The following CDH26 variants were observed in gnomAD, a reference collection of about 807,000 sequenced individuals.
The protein encoded by CDH26 is cadherin-like protein 26.
In CDH26, 83 loss-of-function variants were observed where a neutral mutation model predicts 90.3. That is an observed-to-expected ratio of 0.92 (90% confidence interval 0.77 to 1.10). The LOEUF (loss-of-function observed/expected upper bound fraction) is 1.10. Among genes scored for constraint, CDH26 ranks in the 50% least tolerant of loss-of-function variants. CDH26 has a pLI of 0.00. For missense variants in CDH26, 1,013 were observed against 1,037.6 expected (o/e 0.98, Z 0.33); for synonymous variants, 397 against 396.3 (o/e 1.00, Z -0.02).
intron 1 of CDH26, among the ~76,000 whole-genome samples, chr20:59,963,538 G>A (rs1011641694): frequency 2.0e-5 from 3 of 152,028 alleles, no homozygotes; most frequent in Non-Finnish European, 2.9e-5. Context: ...ATCTGCATTG[G>A]CCTCTAGTCA....
intron 4 of CDH26, 43 bp downstream of exon 4, chr20:59,972,166 C>T: frequency 6.4e-7 from 1 of 1,570,290 alleles, no homozygotes; most frequent in Non-Finnish European, 8.7e-7. Flanking sequence ...TTTAAAAGCT[C>T]TTGCAAGACT....
At position 59,970,273 on chromosome 20, in the gene CDH26, T is replaced by G. The variant is rs1210055923; in HGVS notation, c.231+87T>G. ...GCCAGGAAGATTAAGTCTTGAAAGG[T>G]TATGTGCTAGTGAGGCCAGGGAGTG... is the stretch of plus-strand genomic sequence containing the variant. On this transcript the variant is annotated intron_variant, in intron 3 of 17. Transcript: ENST00000348616. The G allele has an allele frequency of 3.2e-6, 5 of 1,541,548 alleles. No individual in the cohort carries two copies. The Admixed American group carries it at 8.0e-5, about 25-fold the overall frequency.
chr20:60,007,798 A>G (rs1703572242), intron 17 of CDH26, among the ~76,000 whole-genome samples: 1 of 152,132 alleles, frequency 6.6e-6, no homozygotes, highest in African/African-American at 2.4e-5. Context: ...TTGTGACCAG[A>G]AAACAAGACC....
chr20:60,022,720 A>G (rs1302210563), intron 7 of CDH26, among the ~76,000 whole-genome samples: 2 of 152,196 alleles, frequency 1.3e-5, no homozygotes, highest in African/African-American at 2.4e-5. Context: ...TTGTCTAGTC[A>G]TTGTCTTCTC....
intron 4 of CDH26, among the ~76,000 whole-genome samples, chr20:59,982,610 C>T (rs1216980179): frequency 1.3e-5 from 2 of 152,186 alleles, no homozygotes; most frequent in Non-Finnish European, 2.9e-5. Context: ...GTTGTAGAAA[C>T]GGAGGCTCAC....
chr20:59,989,160 T>A lies in CDH26; in HGVS notation c.1280T>A (p.Ile427Lys). 1 of 1,614,014 alleles carries A rather than the reference T, an allele frequency of 6.2e-7. No individual in the cohort carries two copies. ...AATGCCATGGATCCAGACAGCCAGA[T>A]AAGGTGAGAAGAGAGGGCCAAGAAG... is the stretch of plus-strand genomic sequence containing the variant. ...TFNAMDPDSQ[I>K]RYELVHDPAN... The change falls in exon 9 of 18, where the codon ATA becomes AAA. Residue 427 changes from isoleucine to lysine, a missense_variant. By Grantham distance (102) the Ile-to-Lys change is moderately radical. Coordinates refer to ENST00000348616, the MANE Select transcript of CDH26 (RefSeq NM_177980.4).
chr20:60,016,454 G>A (rs1467845520), downstream of CDH26, among the ~76,000 whole-genome samples: 1 of 152,120 alleles, frequency 6.6e-6, no homozygotes, highest in East Asian at 1.9e-4. Flanking sequence ...ATTTATGTAT[G>A]TTGATTTTTG....
downstream of CDH26, among the ~76,000 whole-genome samples, chr20:60,017,219 A>G (rs973970463): frequency 6.6e-6 from 1 of 152,088 alleles, no homozygotes; most frequent in Non-Finnish European, 1.5e-5. Flanking sequence ...GGCAGAATTC[A>G]GTAGTGAAAC....
rs2061648596 is a variant in CDH26, at chr20:59,999,607, C to CCA, written c.2041_2042insCA (p.Gln681ProfsTer54). On this transcript the variant is annotated frameshift_variant, in exon 14 of 18. Coordinates refer to ENST00000348616, the MANE Select transcript of CDH26 (RefSeq NM_177980.4). LOFTEE classifies it high-confidence loss of function. ...ACAGACATGGTCAGATGTTGAAGGC[C>CCA]AGAGGCCGGCTCTGCTCATCTGCAC... The CCA allele has an allele frequency of 6.2e-7, 1 of 1,614,098 alleles. No individual in the cohort carries two copies. The highest frequency in any genetic ancestry group is 2.2e-5 in the East Asian group (1 of 44,872).
intron 7 of CDH26, among the ~76,000 whole-genome samples, chr20:60,028,561 C>T (rs186725712): frequency 7.2e-5 from 11 of 152,218 alleles, no homozygotes; most frequent in East Asian, 1.9e-4. Context: ...TGATTCAAAA[C>T]GCTGAGCAGG....
intron 10 of CDH26, among the ~76,000 whole-genome samples, chr20:59,993,372 T>G (rs1046307010): frequency 2.6e-5 from 4 of 152,200 alleles, no homozygotes; most frequent in African/African-American, 9.6e-5. Context: ...GTCACCTGAG[T>G]AGAGTACCTT....
intron 1 of CDH26, among the ~76,000 whole-genome samples, chr20:59,960,493 C>T (rs148802555): frequency 1.1e-3 from 162 of 152,128 alleles, no homozygotes; most frequent in African/African-American, 3.7e-3. Flanking sequence ...GGCTTGATAA[C>T]TAAAACTATC....
chr20:59,963,960 G>A (rs995564633), intron 1 of CDH26, among the ~76,000 whole-genome samples: 4 of 151,944 alleles, frequency 2.6e-5, no homozygotes, highest in African/African-American at 9.7e-5. Context: ...CTGAGGACTC[G>A]TCGGCTCTCA....
chr20:60,021,667 T>C (rs746225817), intron 7 of CDH26, among the ~76,000 whole-genome samples: 34 of 152,238 alleles, frequency 2.2e-4, no homozygotes, highest in Admixed American at 2.6e-4. Flanking sequence ...TCCTGCATTA[T>C]GAGATGCTCT....
chr20:59,974,291 T>C (rs925225208), intron 4 of CDH26, among the ~76,000 whole-genome samples: 5 of 152,220 alleles, frequency 3.3e-5, no homozygotes, highest in African/African-American at 1.2e-4. Context: ...TATTAAATCT[T>C]TCAGATGCAA....
intron 17 of CDH26, among the ~76,000 whole-genome samples, chr20:60,011,707 C>T (rs552801070): frequency 1.3e-5 from 2 of 152,280 alleles, no homozygotes; most frequent in South Asian, 2.1e-4. Flanking sequence ...GGCTTGTAGC[C>T]GGCTAGCCCC....
rs757813328 is a variant in CDH26 at position 60,021,849 on chromosome 20, TACACACACACACACACACACACACAC to T, written c.948-9358_948-9333del. The stretch of plus-strand genomic sequence containing the variant: ...ATTTTGAAGCCGATATCCTTATCTG[TACACACACACACACACACACACACAC>T]ACACACACACACACACACACACATA... On this transcript the variant is annotated intron_variant, in intron 7 of 8. Coordinates refer to the CDH26 transcript ENST00000370991. 9.0e-3 allele frequency among the ~76,000 whole-genome samples: 383 copies of T among 42,624 alleles called. 8 individuals are homozygous for T. The highest frequency in any genetic ancestry group is 0.024 in the African/African-American group (367 of 15,470). 28.0% of individuals were successfully genotyped at this position (42,624 alleles called of 152,430 possible).
intron 1 of CDH26, among the ~76,000 whole-genome samples, chr20:59,959,223 C>CA (rs1162051532): frequency 6.6e-6 from 1 of 152,110 alleles, no homozygotes; most frequent in East Asian, 1.9e-4. Context: ...ACCTCAGCCT[C>CA]AAGAGTAGCT....
intron 3 of CDH26, among the ~76,000 whole-genome samples, chr20:59,970,453 T>G (rs750537916): frequency 6.6e-6 from 1 of 151,612 alleles, no homozygotes; most frequent in Non-Finnish European, 1.5e-5. Flanking sequence ...TAATTCCAAC[T>G]GACAGGTCTG....
Sources: allele counts gnomAD v4.1 joint callset (sites outside exome capture counted in the v4.1 genomes callset), GRCh38; gene constraint gnomAD v4.1.1; transcripts MANE v1.5; gene names NCBI Gene and HGNC (gene_info 2026-07-23, HGNC 2026-07-21).